CCDC7: variants seen among roughly 807,000 people sequenced by gnomAD.
The protein encoded by CCDC7 is coiled-coil domain-containing protein 7.
In CCDC7, 183 loss-of-function variants were observed where a neutral mutation model predicts 196.9. The observed-to-expected ratio is 0.93, with a 90% CI of 0.82 to 1.05. CCDC7 has a LOEUF of 1.05. Ranked by LOEUF, CCDC7 falls within the 50% of genes least tolerant of loss-of-function variation. CCDC7 has a pLI of 0.00. For missense variants in CCDC7, 1,540 were observed against 1,482.2 expected, an observed-to-expected ratio of 1.04 and a Z score of -0.64; for synonymous variants, 525 against 484.6, an observed-to-expected ratio of 1.08 and a Z score of -1.10.
chr10:32,554,172 C>T (rs2053973015), intron 13 of CCDC7, among the ~76,000 whole-genome samples: 1 of 152,228 alleles, frequency 6.6e-6, no homozygotes, highest in Non-Finnish European at 1.5e-5. Context: ...CCAACCTCCC[C>T]TGCAATAGCC....
At chr10:32,879,034 TCTTTA>T (rs1293413942), downstream of CCDC7, among the ~76,000 whole-genome samples, 1 of 151,922 alleles carries the variant, frequency 6.6e-6, no homozygotes, top group Non-Finnish European at 1.5e-5. Context: ...AGTACACCAT[TCTTTA>T]CTTGTCACTA....
chr10:32,866,643 A>AG (rs1439802099), intron 41 of CCDC7, among the ~76,000 whole-genome samples: 1 of 151,642 alleles, frequency 6.6e-6, no homozygotes, highest in Non-Finnish European at 1.5e-5. Context: ...AGGAAAGGAG[A>AG]GAAAAAGGGA....
intron 25 of CCDC7, among the ~76,000 whole-genome samples, chr10:32,716,686 T>C (rs1271868114): frequency 6.6e-6 from 1 of 152,066 alleles, no homozygotes. Context: ...AGCCTCAAAA[T>C]AATGGGATGG....
chr10:32,657,229 G>A (rs2070144644), intron 20 of CCDC7, among the ~76,000 whole-genome samples: 1 of 152,220 alleles, frequency 6.6e-6, no homozygotes, highest in Admixed American at 6.5e-5. Context: ...CTGGAGGACA[G>A]TGGCCCTCTT....
chr10:32,512,179 A>G (rs2046323458), intron 9 of CCDC7: 3 of 167,460 alleles, frequency 1.8e-5, no homozygotes, highest in Non-Finnish European at 3.9e-5. Context: ...TGAAGATATG[A>G]TTCCTTTTTG....
At chr10:32,608,160 T>G (rs1590506654) in intron 18 of CCDC7, among the ~76,000 whole-genome samples, 1 of 152,136 alleles carries the variant, frequency 6.6e-6, no homozygotes, top group East Asian at 1.9e-4. Context: ...TAATGTGTCT[T>G]TTTTCATTTC....
At chr10:32,714,659 G>A (rs149848456) in intron 25 of CCDC7, among the ~76,000 whole-genome samples, 54 of 152,304 alleles carry the variant, frequency 3.5e-4, no homozygotes, top group African/African-American at 1.3e-3. Context: ...TGAAATTCTC[G>A]CAGCCAGCAC....
intron 16 of CCDC7, among the ~76,000 whole-genome samples, chr10:32,576,943 A>G (rs1027992830): frequency 1.3e-5 from 2 of 152,120 alleles, no homozygotes; most frequent in Admixed American, 6.5e-5. Context: ...TTTTCATGTC[A>G]CATGTTTTCC....
At chr10:32,664,354 T>A (rs1222696712) in intron 21 of CCDC7, among the ~76,000 whole-genome samples, 193 bp downstream of exon 22, 1 of 152,020 alleles carries the variant, frequency 6.6e-6, no homozygotes, top group Non-Finnish European at 1.5e-5. Context: ...TACCTTGTTA[T>A]TTTTTTATAT....
At chr10:32,552,655 C>G (rs2053661175) in intron 13 of CCDC7, among the ~76,000 whole-genome samples, 1 of 152,144 alleles carries the variant, frequency 6.6e-6, no homozygotes, top group South Asian at 2.1e-4. Flanking sequence ...CTGAAAAAGA[C>G]TGTATCTCTC....
chr10:32,529,426 C>T (rs993883097), intron 11 of CCDC7, among the ~76,000 whole-genome samples: 1 of 152,148 alleles, frequency 6.6e-6, no homozygotes, highest in Non-Finnish European at 1.5e-5. Context: ...ATATCCACAC[C>T]AACATCTATT....
At chr10:32,556,644 A>G (rs1589835658) in intron 13 of CCDC7, among the ~76,000 whole-genome samples, 1 of 152,276 alleles carries the variant, frequency 6.6e-6, no homozygotes, top group East Asian at 1.9e-4. Flanking sequence ...TATGTCTTCC[A>G]TTTAATTTAC....
intron 3 of CCDC7, among the ~76,000 whole-genome samples, chr10:32,456,976 A>G (rs1268577543): frequency 1.3e-5 from 2 of 151,822 alleles, no homozygotes; most frequent in Non-Finnish European, 2.9e-5. Context: ...CATCACGTCA[A>G]ACACCTAGCA....
chr10:32,785,429 TA>T (rs1286733692), intron 29 of CCDC7, among the ~76,000 whole-genome samples: 3 of 152,160 alleles, frequency 2.0e-5, no homozygotes, highest in African/African-American at 7.2e-5. Context: ...TTTAAAACAC[TA>T]CACATAAGCA....
At chr10:32,689,980 C>A (rs765011370) in intron 23 of CCDC7, among the ~76,000 whole-genome samples, 8 of 152,170 alleles carry the variant, frequency 5.3e-5, no homozygotes, top group Admixed American at 1.3e-4. Flanking sequence ...AATGATCCAC[C>A]CGCCTCGGCC....
intron 41 of CCDC7, among the ~76,000 whole-genome samples, chr10:32,858,210 G>A (rs2093831038): frequency 6.6e-6 from 1 of 152,090 alleles, no homozygotes; most frequent in Non-Finnish European, 1.5e-5. Flanking sequence ...TGAATACTAC[G>A]AAACATTCAC....
chr10:32,592,644 C>T (rs1423231760), intron 18 of CCDC7, among the ~76,000 whole-genome samples: 4 of 152,090 alleles, frequency 2.6e-5, no homozygotes, highest in Non-Finnish European at 4.4e-5. Context: ...TGGTGTGCTG[C>T]ACCCGTTAAC....
At chr10:32,503,233 A>G (rs2044355191) in intron 9 of CCDC7, among the ~76,000 whole-genome samples, 1 of 151,836 alleles carries the variant, frequency 6.6e-6, no homozygotes, top group African/African-American at 2.4e-5. Context: ...ATCTTAGAAG[A>G]AAAGCTTTCA....
chr10:32,763,123 G>A (rs1207489293), intron 28 of CCDC7, among the ~76,000 whole-genome samples: 1 of 151,930 alleles, frequency 6.6e-6, no homozygotes, highest in Non-Finnish European at 1.5e-5. Flanking sequence ...TAGGTAAGCA[G>A]TTGATATTCA....
Sources: gnomAD v4.1 joint callset for allele counts (sites outside exome capture counted in the v4.1 genomes callset) on GRCh38, gnomAD v4.1.1 for gene constraint, MANE v1.5 for transcripts, NCBI Gene and HGNC (gene_info 2026-07-23, HGNC 2026-07-21) for gene names.